Variants in KCNAB2 observed in about 807,000 individuals in gnomAD.
KCNAB2 encodes potassium voltage-gated channel subfamily A regulatory beta subunit 2.
Under a neutral mutation model 63.6 loss-of-function variants are expected in KCNAB2, and 29 were observed. The ratio of observed to expected loss-of-function variants is 0.46; its 90% confidence interval spans 0.34 to 0.62. The LOEUF is 0.62. KCNAB2 is among the 20% of genes least tolerant of loss of function. The pLI, the probability that KCNAB2 is intolerant of heterozygous loss-of-function variation, is 0.01. For synonymous variants in KCNAB2, 222 were observed against 224.2 expected, an observed-to-expected ratio of 0.99 and a Z score of 0.09; for missense variants, 359 against 563.9, an observed-to-expected ratio of 0.64 and a Z score of 3.68.
intron 9 of KCNAB2, among the ~76,000 whole-genome samples, chr1:6,090,868 G>T (rs1247167784): frequency 6.6e-6 from 1 of 152,206 alleles, no homozygotes; most frequent in Admixed American, 6.5e-5. Context: ...TGGGAAGCTT[G>T]GGGGGACTTT....
At chr1:6,060,011 G>T (rs531814674) in intron 2 of KCNAB2, among the ~76,000 whole-genome samples, 32 of 152,314 alleles carry the variant, frequency 2.1e-4, no homozygotes, top group Middle Eastern at 3.4e-3. Flanking sequence ...CGGTCCTGTG[G>T]CCTCCTCCTT....
intron 10 of KCNAB2, among the ~76,000 whole-genome samples, chr1:6,091,626 C>G (rs1179154387): frequency 6.6e-6 from 1 of 152,074 alleles, no homozygotes; most frequent in Non-Finnish European, 1.5e-5. Context: ...CCACCTGGAG[C>G]CTTGACCCTG....
chr1:6,099,318 G>C lies in KCNAB2; in HGVS notation c.*744G>C, dbSNP rs370052739. Reference sequence around the variant, plus strand: ...GTTTGGGAGCCACAAAAAGCGTAGCGGTGTGATTTCTAGCTCAGCCTCCCA... The same window carrying C: ...GTTTGGGAGCCACAAAAAGCGTAGCCGTGTGATTTCTAGCTCAGCCTCCCA... On this transcript the variant is annotated 3_prime_UTR_variant, in exon 16 of 16. Coordinates refer to ENST00000378083, the MANE Select transcript of KCNAB2 (RefSeq NM_001199862.2). 6.5e-6 allele frequency: 1 copy of C among 153,888 alleles called. No individual in the cohort carries two copies. The highest frequency in any genetic ancestry group is 1.4e-5 in the Non-Finnish European group (1 of 69,292). 9.5% of individuals were successfully genotyped at this position (153,888 alleles called of 1,614,324 possible). A position where few individuals can be genotyped will look rare whatever the true frequency, so the allele number is the denominator to read the frequency against.
rs1377481291 is a variant in KCNAB2 at position 6,089,127 on chromosome 1, A to C, written c.514+76A>C. 7 of 1,435,586 alleles carry C rather than the reference A, an allele frequency of 4.9e-6. No individual in the cohort carries two copies. In the African/African-American group the frequency reaches 9.9e-5, roughly 20 times the overall value. 88.9% of individuals were successfully genotyped at this position (1,435,586 alleles called of 1,614,324 possible). On this transcript the variant is annotated intron_variant, in intron 8 of 15. Transcript: ENST00000378083. ...TCGGAGGCCAAAGTGATGGCAGCAC[A>C]GGGCCCGACCCCCCCAGTTAACCCA...
upstream of KCNAB2, among the ~76,000 whole-genome samples, chr1:6,044,543 G>A (rs1376629315): frequency 6.6e-6 from 1 of 152,172 alleles, no homozygotes; most frequent in Non-Finnish European, 1.5e-5. Context: ...GGGCCATCAG[G>A]GACATGATGG....
intron 5 of KCNAB2, among the ~76,000 whole-genome samples, chr1:6,084,533 T>G (rs1437762628): frequency 6.6e-6 from 1 of 152,212 alleles, no homozygotes; most frequent in Non-Finnish European, 1.5e-5. Flanking sequence ...AAAAGATACT[T>G]GTCCCGGCGC....
rs537196470 is a variant in KCNAB2 at position 6,028,491 on chromosome 1, G to A, written c.-52-12026G>A. Among the ~76,000 whole-genome samples the A allele has an allele frequency of 1.3e-5, 2 of 152,278 alleles. No individual in the cohort carries two copies. The highest frequency in any genetic ancestry group is 2.1e-4 in the South Asian group (1 of 4,824). On this transcript the variant is annotated intron_variant, in intron 1 of 16. Transcript: ENST00000341524. The surrounding 1 kb of genome is among the most constrained non-coding windows in gnomAD (Gnocchi z 4.0). The stretch of plus-strand genomic sequence containing the variant: ...AAGCAGGTGCTGGAGTCCTCGCCCC[G>A]AGGCCTTCCGGAAGACACCCAGGAC...
At chr1:6,088,137 G>A (rs760338306) in intron 7 of KCNAB2, among the ~76,000 whole-genome samples, 5 of 151,862 alleles carry the variant, frequency 3.3e-5, no homozygotes, top group Admixed American at 2.0e-4. Context: ...ACAGCTCACT[G>A]TAGCTTCAAA....
At chr1:6,085,299 T>C (rs1260580759) in intron 6 of KCNAB2, 51 bp downstream of exon 6, 1 of 1,549,554 alleles carries the variant, frequency 6.5e-7, no homozygotes, top group South Asian at 1.1e-5. Flanking sequence ...GCGGGCGAAC[T>C]ATCCCAGGGT....
chr1:6,028,984 C>T lies in KCNAB2; in HGVS notation c.-52-11533C>T, dbSNP rs371678327. 5.3e-5 allele frequency among the ~76,000 whole-genome samples: 8 copies of T among 152,184 alleles called. No homozygotes were observed. The highest frequency in any genetic ancestry group is 8.8e-5 in the Non-Finnish European group (6 of 68,024). On this transcript the variant is annotated intron_variant, in intron 1 of 16. Transcript: ENST00000341524. The surrounding 1 kb of genome is among the most constrained non-coding windows in gnomAD (Gnocchi z 4.0). The stretch of plus-strand genomic sequence containing the variant: ...CAAGTCCCGCCATGACGCCCTGAGG[C>T]GTGGGTTCACACTTGGGTGTGGCTG...
At position 6,073,292 on chromosome 1, in the gene KCNAB2, C is replaced by G. The variant is rs1194698104; in HGVS notation, c.263-441C>G. ...CACACACACACCGCCCACTGCAGTA[C>G]ACACACCCCGCCCCCCACCAGCACC... On this transcript the variant is annotated intron_variant, in intron 3 of 15. Transcript: ENST00000378083. The surrounding 1 kb of genome is among the most constrained non-coding windows in gnomAD (Gnocchi z 5.7). Among the ~76,000 whole-genome samples, 1 of 152,036 alleles carries G rather than the reference C, an allele frequency of 6.6e-6. No homozygotes were observed. Among genetic ancestry groups the G allele is most frequent in the Non-Finnish European group, 1.5e-5 (1 of 67,976 alleles).
upstream of KCNAB2, among the ~76,000 whole-genome samples, chr1:6,042,821 T>TCC (rs1660600414): frequency 3.1e-5 from 3 of 98,276 alleles, no homozygotes; most frequent in African/African-American, 8.4e-5. Context: ...GTAGCTTTTC[T>TCC]CTCCCCGCGC....
intron 2 of KCNAB2, among the ~76,000 whole-genome samples, chr1:6,068,305 C>T (rs1188382901): frequency 6.6e-6 from 1 of 152,198 alleles, no homozygotes; most frequent in African/African-American, 2.4e-5. Flanking sequence ...GTGCTGGAGG[C>T]AGGGAGGGCA....
At position 6,059,560 on chromosome 1, in the gene KCNAB2, G is replaced by A. The variant is rs1412251842; in HGVS notation, c.218+7806G>A. Among the ~76,000 whole-genome samples the A allele has an allele frequency of 3.9e-5, 6 of 152,140 alleles. No individual in the cohort carries two copies. The East Asian group carries it at 1.2e-3, about 29-fold the overall frequency. On this transcript the variant is annotated intron_variant, in intron 2 of 15. Transcript: ENST00000378083. ...GGGCATCTTCCCCTGGAGGCTCTTC[G>A]GACAAGCAAGGAGAGGGAGCACCAC...
intron 2 of KCNAB2, among the ~76,000 whole-genome samples, chr1:6,070,951 AT>A (rs111525948): frequency 0.11 from 16,087 of 152,158 alleles, 2,737 homozygotes; most frequent in African/African-American, 0.36. Flanking sequence ...CAGGAGCAAT[AT>A]TGCTGGCAGC....
In KCNAB2 at chr1:6,003,098, CG is replaced by C. The variant is rs1557919120; in HGVS notation, c.-53+10314del. ...TCCTGCGCCCCAGGCGACCCGTTCA[CG>C]GGGCGGGCGCTCGCCCTTGGCCTCG... On this transcript the variant is annotated intron_variant, in intron 1 of 16. Coordinates refer to the KCNAB2 transcript ENST00000341524. This position sits in a 1 kb window ranked among gnomAD's most constrained non-coding sequence, Gnocchi z 4.1. Among the ~76,000 whole-genome samples, 1 of 152,228 alleles carries C rather than the reference CG, an allele frequency of 6.6e-6. No homozygotes were observed. The highest frequency in any genetic ancestry group is 1.9e-4 in the East Asian group (1 of 5,190).
At chr1:5,993,971 TC>T (rs1264987005) in intron 1 of KCNAB2, among the ~76,000 whole-genome samples, 11 of 152,126 alleles carry the variant, frequency 7.2e-5, no homozygotes, top group African/African-American at 9.7e-5. Context: ...TGTCTTTTCC[TC>T]CCTTTCATTT....
chr1:6,059,118 C>T (rs1044778185), intron 2 of KCNAB2, among the ~76,000 whole-genome samples: 1 of 152,166 alleles, frequency 6.6e-6, no homozygotes, highest in Admixed American at 6.5e-5. Context: ...TTGTAACCGA[C>T]TGATGATGTG....
chr1:6,049,156 G>GC (rs1661186300), intron 1 of KCNAB2, among the ~76,000 whole-genome samples: 2 of 152,182 alleles, frequency 1.3e-5, no homozygotes, highest in South Asian at 4.1e-4. Flanking sequence ...AGCCAGCCCC[G>GC]CCCCCACCAA....
Sources: allele counts gnomAD v4.1 joint callset (sites outside exome capture counted in the v4.1 genomes callset), GRCh38; gene constraint gnomAD v4.1.1; non-coding constraint Gnocchi (gnomAD v3.1); transcripts MANE v1.5; gene names NCBI Gene and HGNC (gene_info 2026-07-23, HGNC 2026-07-21).